Variants in RAB44 observed in about 807,000 individuals in gnomAD.
RAB44 encodes the protein ras-related protein Rab-44.
In RAB44, 67 loss-of-function variants were observed where a neutral mutation model predicts 93.3. The ratio of observed to expected loss-of-function variants is 0.72; its 90% confidence interval spans 0.59 to 0.88. RAB44 has a LOEUF of 0.88. Among genes scored for constraint, RAB44 ranks in the 40% least tolerant of loss-of-function variants. The pLI, the probability that RAB44 is intolerant of heterozygous loss-of-function variation, is 0.00. For missense variants in RAB44, 1,064 were observed against 1,261.7 expected (o/e 0.84, Z 2.37); for synonymous variants, 427 against 520.3 (o/e 0.82, Z 2.44).
intron 9 of RAB44, among the ~76,000 whole-genome samples, chr6:36,725,657 A>G (rs1428351811): frequency 6.6e-6 from 1 of 152,248 alleles, no homozygotes; most frequent in African/African-American, 2.4e-5. Flanking sequence ...TGTTGGCACA[A>G]CTTGCGGCAG....
At chr6:36,702,293 GGAGAGAGAGAGAGAGA>G (rs567475229) in intron 1 of RAB44, among the ~76,000 whole-genome samples, 13 of 115,140 alleles carry the variant, frequency 1.1e-4, no homozygotes, top group African/African-American at 3.2e-4. Context: ...CTTCGAAGGG[GGAGAGAGAGAGAGAGA>G]GAGAGAGAGA....
intron 2 of RAB44, among the ~76,000 whole-genome samples, chr6:36,705,673 G>A (rs112980555): frequency 0.13 from 19,767 of 151,966 alleles, 1,340 homozygotes; most frequent in South Asian, 0.2. Context: ...ATGAGCCACC[G>A]CGCCCGGCCA....
At position 36,721,731 on chromosome 6, in the gene RAB44, G is replaced by A. The variant is rs1763089031; in HGVS notation, c.1597G>A (p.Gly533Arg). 2.4e-6 allele frequency: 3 copies of A among 1,234,442 alleles called. No individual in the cohort carries two copies. Among genetic ancestry groups the A allele is most frequent in the Non-Finnish European group, 3.0e-6 (3 of 988,232 alleles). 76.5% of individuals were successfully genotyped at this position (1,234,442 alleles called of 1,614,324 possible). A position where few individuals can be genotyped will look rare whatever the true frequency, so the allele number is the denominator to read the frequency against. The change falls in exon 9 of 14, where the codon GGG becomes AGG. Residue 533 changes from glycine (G) to arginine (R), a missense_variant. Coordinates refer to ENST00000612677, the MANE Select transcript of RAB44 (RefSeq NM_001257357.2). ...CTCAGACCCAGATGACAAGGGCCCT[G>A]GGTCTTGGGCTCCTCCCAGCGGGGC... ...QASDPDDKGPGSWAPPSGAQP... is the reference protein window; with the variant it reads ...QASDPDDKGPRSWAPPSGAQP...
At position 36,715,358 on chromosome 6, in the gene RAB44, G is replaced by A. The variant is rs1038289097; in HGVS notation, c.320-121G>A. On this transcript the variant is annotated intron_variant, in intron 3 of 13. Transcript: ENST00000612677. ...ATGAGAAATATGTGAATGTAGCCTT[G>A]TGTAAATGTGACTGGCACAGGTAGA... 3.3e-5 allele frequency: 28 copies of A among 852,026 alleles called. No individual in the cohort carries two copies. The African/African-American group carries it at 3.9e-4, about 12-fold the overall frequency. 52.8% of individuals were successfully genotyped at this position (852,026 alleles called of 1,614,324 possible). A position where few individuals can be genotyped will look rare whatever the true frequency, so the allele number is the denominator to read the frequency against.
chr6:36,716,198 G>C (rs1403715642), intron 4 of RAB44, among the ~76,000 whole-genome samples: 1 of 152,184 alleles, frequency 6.6e-6, no homozygotes, highest in East Asian at 1.9e-4. Flanking sequence ...GGCCGGGCAC[G>C]GTGGCTCATG....
intron 1 of RAB44, among the ~76,000 whole-genome samples, chr6:36,702,702 A>G (rs1762544103): frequency 6.6e-6 from 1 of 152,240 alleles, no homozygotes; most frequent in Admixed American, 6.5e-5. Context: ...CTGTCTGGAC[A>G]TCAAGTCCTT....
In RAB44 at chr6:36,722,350, C is replaced by G; in HGVS notation, c.2216C>G (p.Ser739Trp). 1 of 1,336,520 alleles carries G rather than the reference C, an allele frequency of 7.5e-7. No homozygotes were observed. The highest frequency in any genetic ancestry group is 9.6e-7 in the Non-Finnish European group (1 of 1,045,098). 82.8% of individuals were successfully genotyped at this position (1,336,520 alleles called of 1,614,324 possible). A position where few individuals can be genotyped will look rare whatever the true frequency, so the allele number is the denominator to read the frequency against. Residue 739 changes from serine (S) to tryptophan (W), a missense_variant, in exon 9 of 14, where the codon TCG becomes TGG. Coordinates refer to ENST00000612677, the MANE Select transcript of RAB44 (RefSeq NM_001257357.2). ...GCAGAAGGCCCCACTCCTGGAAAATCGGCACCTCCAAGGGGCTCTCCTCCC... is the reference window on the plus strand; with the variant it reads ...GCAGAAGGCCCCACTCCTGGAAAATGGGCACCTCCAAGGGGCTCTCCTCCC... ...VEAEGPTPGKSAPPRGSPPRG... is the reference protein window; with the variant it reads ...VEAEGPTPGKWAPPRGSPPRG...
At chr6:36,704,514 C>A in intron 2 of RAB44, 72 bp downstream of exon 2, 4 of 1,407,364 alleles carry the variant, frequency 2.8e-6, no homozygotes, top group Non-Finnish European at 3.9e-6. Flanking sequence ...TCCCCCATCA[C>A]AGGAAGGCAG....
intron 2 of RAB44, among the ~76,000 whole-genome samples, chr6:36,710,672 G>A (rs1762763272): frequency 6.9e-6 from 1 of 144,314 alleles, no homozygotes; most frequent in African/African-American, 2.8e-5. Flanking sequence ...AGGCTGGAGT[G>A]CAGTGGCATG....
At position 36,719,044 on chromosome 6, in the gene RAB44, C is replaced by T. The variant is rs141495592; in HGVS notation, c.828+456C>T. Among the ~76,000 whole-genome samples, 302 of 152,230 alleles carry T rather than the reference C, an allele frequency of 2.0e-3. 4 individuals carry two copies. The highest frequency in any genetic ancestry group is 0.01 in the Middle Eastern group (3 of 294). Reference sequence around the variant, plus strand: ...ACGCCATTCTCCTGCCTCAGCCTCCCGAGTAGCTGGGACTACAGGCGCCCA... The same window carrying T: ...ACGCCATTCTCCTGCCTCAGCCTCCTGAGTAGCTGGGACTACAGGCGCCCA... On this transcript the variant is annotated intron_variant, in intron 7 of 13. Transcript: ENST00000612677.
chr6:36,699,689 A>G (rs1453830478), intron 1 of RAB44, among the ~76,000 whole-genome samples: 1 of 152,210 alleles, frequency 6.6e-6, no homozygotes, highest in African/African-American at 2.4e-5. Context: ...AGTCTGGTGT[A>G]GTTCTACCAC....
intron 2 of RAB44, among the ~76,000 whole-genome samples, chr6:36,710,145 C>T (rs1762745490): frequency 6.6e-6 from 1 of 152,208 alleles, no homozygotes. Context: ...CAGCCATCTC[C>T]AAAGCTTCTT....
chr6:36,721,116 C>T (rs538062520), intron 8 of RAB44, 35 bp from the exon 9 acceptor site: 1 of 1,234,154 alleles, frequency 8.1e-7, no homozygotes, highest in East Asian at 3.2e-5. Context: ...CCTACCTGCC[C>T]CTCCCCGATC....
chr6:36,708,335 T>G (rs1321761909), intron 2 of RAB44, among the ~76,000 whole-genome samples: 2 of 152,200 alleles, frequency 1.3e-5, no homozygotes, highest in East Asian at 3.8e-4. Flanking sequence ...CTATGAAAAT[T>G]TAGCCTAGGA....
Position 36,731,643 on chromosome 6 carries a change from A to T in RAB44, c.2976-360A>T, listed in dbSNP as rs1460982169. 6.6e-6 allele frequency among the ~76,000 whole-genome samples: 1 copy of T among 151,934 alleles called. No homozygotes were observed. Among genetic ancestry groups the T allele is most frequent in the Non-Finnish European group, 1.5e-5 (1 of 67,986 alleles). On this transcript the variant is annotated intron_variant, in intron 13 of 13. Coordinates refer to ENST00000612677, the MANE Select transcript of RAB44 (RefSeq NM_001257357.2). This position sits in a 1 kb window ranked among gnomAD's most constrained non-coding sequence, Gnocchi z 4.0. ...TTGTCCATGGCTCAGTTCGGTCACC[A>T]TCTCCTTCCTCCCCAGATCCCTCCA...
chr6:36,722,351 G>T lies in RAB44; in HGVS notation c.2217G>T (p.Ser739=). The part of the protein sequence containing the change: ...VEAEGPTPGK[S]APPRGSPPRG... Reference sequence around the variant, plus strand: ...CAGAAGGCCCCACTCCTGGAAAATCGGCACCTCCAAGGGGCTCTCCTCCCA... The same window carrying T: ...CAGAAGGCCCCACTCCTGGAAAATCTGCACCTCCAAGGGGCTCTCCTCCCA... Residue 739 remains serine, a synonymous_variant, in exon 9 of 14, where the codon TCG becomes TCT. Coordinates refer to ENST00000612677, the MANE Select transcript of RAB44 (RefSeq NM_001257357.2). The T allele has an allele frequency of 1.5e-6, 2 of 1,332,720 alleles. No homozygotes were observed. Among genetic ancestry groups the T allele is most frequent in the Non-Finnish European group, 1.9e-6 (2 of 1,042,944 alleles). 82.6% of individuals were successfully genotyped at this position (1,332,720 alleles called of 1,614,324 possible).
chr6:36,727,552 G>A, intron 10 of RAB44, 25 bp from the exon 11 acceptor site: 1 of 1,514,896 alleles, frequency 6.6e-7, no homozygotes, highest in Non-Finnish European at 9.0e-7. Context: ...TGCCTGGTGT[G>A]GCCTCATGCA....
rs77534526 is a variant in RAB44 at position 36,721,880 on chromosome 6, G to A, written c.1746G>A (p.Pro582=). 12 of 1,235,160 alleles carry A rather than the reference G, an allele frequency of 9.7e-6. No homozygotes were observed. The Middle Eastern group carries it at 6.2e-4, about 64-fold the overall frequency. The allele number at this position is 1,235,160 out of a possible 1,614,324, so 76.5% of individuals were successfully genotyped here. A position where few individuals can be genotyped will look rare whatever the true frequency, so the allele number is the denominator to read the frequency against. ...TCACAGGAGTGGGCCCAGCCAAGCC[G>A]CCCAGGCAGAGAGATGCCCTCCAGC... The part of the protein sequence containing the change: ...TALTGVGPAK[P]PRQRDALQQD... The change falls in exon 9 of 14, where the codon CCG becomes CCA. Residue 582 remains proline (P), a synonymous_variant. Coordinates refer to ENST00000612677, the MANE Select transcript of RAB44 (RefSeq NM_001257357.2).
intron 9 of RAB44, among the ~76,000 whole-genome samples, chr6:36,723,101 G>C (rs1391639140): frequency 6.6e-6 from 1 of 152,234 alleles, no homozygotes; most frequent in African/African-American, 2.4e-5. Context: ...ACTAGCTCCA[G>C]GCTGGGCAGC....
Sources: gnomAD v4.1 joint callset for allele counts (sites outside exome capture counted in the v4.1 genomes callset) on GRCh38, gnomAD v4.1.1 for gene constraint, Gnocchi (gnomAD v3.1) non-coding constraint, MANE v1.5 for transcripts, NCBI Gene and HGNC (gene_info 2026-07-23, HGNC 2026-07-21) for gene names.